The following DCLK2 variants were observed in gnomAD, a reference collection of about 807,000 sequenced individuals.
DCLK2 encodes the protein doublecortin like kinase 2, also known as serine/threonine-protein kinase DCLK2.
Under a neutral mutation model 78.4 loss-of-function variants are expected in DCLK2, and 31 were observed. That is an observed-to-expected ratio of 0.40 (90% CI 0.30 to 0.53). DCLK2 has a LOEUF of 0.53. Ranked by LOEUF, DCLK2 falls within the 20% of genes least tolerant of loss-of-function variation. The pLI is 0.61. For missense variants in DCLK2, 872 were observed against 973.7 expected, an observed-to-expected ratio of 0.90 and a Z score of 1.39; for synonymous variants, 407 against 374.9, an observed-to-expected ratio of 1.09 and a Z score of -0.99.
chr4:150,156,398 G>A (rs1385569671), intron 2 of DCLK2, among the ~76,000 whole-genome samples: 3 of 151,954 alleles, frequency 2.0e-5, no homozygotes, highest in Non-Finnish European at 4.4e-5. Flanking sequence ...TATAATCTTA[G>A]CACTTTTTGA....
chr4:150,253,498 C>G (rs1164278907), intron 15 of DCLK2: 2 of 1,289,662 alleles, frequency 1.6e-6, no homozygotes. Context: ...TTGAGAGGCA[C>G]CTCAGAGTTT....
intron 11 of DCLK2, 150 bp downstream of exon 11, chr4:150,240,025 T>C (rs968224032): frequency 1.6e-5 from 11 of 667,338 alleles, no homozygotes; most frequent in Non-Finnish European, 2.8e-5. Context: ...AAGGTCTGTT[T>C]TGTTGCTATT....
intron 2 of DCLK2, among the ~76,000 whole-genome samples, chr4:150,158,373 T>C (rs555474020): frequency 6.6e-6 from 1 of 152,304 alleles, no homozygotes; most frequent in East Asian, 1.9e-4. Flanking sequence ...AGGGTAGGGC[T>C]TCAACATATG....
Position 150,228,789 on chromosome 4 carries a change from G to A in DCLK2, c.1300-3548G>A, listed in dbSNP as rs530180936. 7.9e-5 allele frequency among the ~76,000 whole-genome samples: 12 copies of A among 152,312 alleles called. No homozygotes were observed. The East Asian group carries it at 2.3e-3, about 29-fold the overall frequency. On this transcript the variant is annotated intron_variant, in intron 8 of 15. Coordinates refer to ENST00000296550, the MANE Select transcript of DCLK2 (RefSeq NM_001040260.4). ...CGCCTGTAATCCCAGCACTTTGGGA[G>A]GCCGAGGCGGGTGGATCATGAGGTC...
intron 8 of DCLK2, among the ~76,000 whole-genome samples, 171 bp from the exon 9 acceptor site, chr4:150,232,166 G>A (rs961473046): frequency 6.6e-6 from 1 of 152,192 alleles, no homozygotes; most frequent in African/African-American, 2.4e-5. Flanking sequence ...TGTTCACACT[G>A]ACCCTGTCCC....
chr4:150,167,363 G>C (rs575824683), intron 2 of DCLK2, among the ~76,000 whole-genome samples: 2 of 152,326 alleles, frequency 1.3e-5, no homozygotes, highest in African/African-American at 4.8e-5. Context: ...TGAAGTTGCA[G>C]GAGGAAATAG....
At chr4:150,082,010 AAAAAG>A (rs2150127887) in intron 1 of DCLK2, among the ~76,000 whole-genome samples, 2 of 151,848 alleles carry the variant, frequency 1.3e-5, no homozygotes, top group South Asian at 4.1e-4. Flanking sequence ...AAAAAAAAAA[AAAAAG>A]AAAAGAAAAA....
At chr4:150,173,411 A>G (rs1455723353) in intron 2 of DCLK2, among the ~76,000 whole-genome samples, 1 of 152,108 alleles carries the variant, frequency 6.6e-6, no homozygotes, top group Non-Finnish European at 1.5e-5. Flanking sequence ...GTGAAGCATA[A>G]TAAGACAAAG....
intron 2 of DCLK2, among the ~76,000 whole-genome samples, chr4:150,173,837 A>G (rs1387375673): frequency 1.3e-5 from 2 of 152,208 alleles, no homozygotes; most frequent in African/African-American, 4.8e-5. Flanking sequence ...CAAAAGGAGC[A>G]GAAGGGGCTT....
chr4:150,199,694 C>A (rs1191647261), intron 4 of DCLK2, among the ~76,000 whole-genome samples: 1 of 152,082 alleles, frequency 6.6e-6, no homozygotes, highest in Non-Finnish European at 1.5e-5. Context: ...TGTTATTAAC[C>A]TTATTTCAAA....
chr4:150,136,252 A>G (rs956701224), intron 2 of DCLK2, among the ~76,000 whole-genome samples: 1 of 152,322 alleles, frequency 6.6e-6, no homozygotes, highest in Middle Eastern at 3.4e-3. Flanking sequence ...TATTTTATTT[A>G]AAGGATTTAG....
chr4:150,141,647 G>A (rs1734109457), intron 2 of DCLK2, among the ~76,000 whole-genome samples: 1 of 152,114 alleles, frequency 6.6e-6, no homozygotes, highest in African/African-American at 2.4e-5. Context: ...AGCAGGTCAT[G>A]GCACAGAGAA....
At chr4:150,080,820 G>A (rs932597179) in intron 1 of DCLK2, among the ~76,000 whole-genome samples, 4 of 152,156 alleles carry the variant, frequency 2.6e-5, no homozygotes, top group African/African-American at 7.2e-5. Context: ...TGCCTAGAAC[G>A]CGACCCAGCC....
chr4:150,161,149 A>T (rs1379445809), intron 2 of DCLK2, among the ~76,000 whole-genome samples: 1 of 152,204 alleles, frequency 6.6e-6, no homozygotes, highest in Non-Finnish European at 1.5e-5. Flanking sequence ...GTCAATGAAG[A>T]TATAGAAAAC....
At position 150,080,688 on chromosome 4, in the gene DCLK2, T is replaced by G. The variant is rs958976258; in HGVS notation, c.421+1240T>G. ...GGAAACTTAGGCAGCATGCCTTGCC[T>G]CACAGTGCCTGCAGCATATACTTTC... On this transcript the variant is annotated intron_variant, in intron 1 of 15. Coordinates refer to ENST00000296550, the MANE Select transcript of DCLK2 (RefSeq NM_001040260.4). 3.3e-5 allele frequency among the ~76,000 whole-genome samples: 5 copies of G among 152,252 alleles called. No individual in the cohort carries two copies. In the South Asian group the frequency reaches 8.3e-4, roughly 25 times the overall value.
At chr4:150,080,862 T>A (rs59240014) in intron 1 of DCLK2, among the ~76,000 whole-genome samples, 2,256 of 152,328 alleles carry the variant, frequency 0.015, 55 homozygotes, top group African/African-American at 0.051. Context: ...TCTACATATG[T>A]ATGTGCTTGT....
intron 2 of DCLK2, among the ~76,000 whole-genome samples, chr4:150,189,229 A>AT (rs755490251): frequency 6.9e-4 from 51 of 74,346 alleles, no homozygotes; most frequent in Non-Finnish European, 1.4e-3. Flanking sequence ...CAGTAGATAC[A>AT]TTTTTATTTG....
intron 1 of DCLK2, among the ~76,000 whole-genome samples, chr4:150,088,459 TC>T (rs1359560903): frequency 6.6e-6 from 1 of 152,042 alleles, no homozygotes; most frequent in African/African-American, 2.4e-5. Flanking sequence ...CAGATTTTTT[TC>T]TTTTTTCTTT....
intron 12 of DCLK2, among the ~76,000 whole-genome samples, chr4:150,245,365 C>CT (rs1163358864): frequency 5.9e-5 from 9 of 151,938 alleles, no homozygotes; most frequent in South Asian, 2.1e-4. Context: ...GCTGGGCTTG[C>CT]TTTTTTTTGT....
Sources: gnomAD v4.1 joint callset for allele counts (sites outside exome capture counted in the v4.1 genomes callset) on GRCh38, gnomAD v4.1.1 for gene constraint, MANE v1.5 for transcripts, NCBI Gene and HGNC (gene_info 2026-07-23, HGNC 2026-07-21) for gene names.